The following SPMIP2 variants were observed in gnomAD, a reference collection of about 807,000 sequenced individuals.
The protein encoded by SPMIP2 is sperm microtubule inner protein 2.
At chr4:159,059,805 A>C in the SPMIP2 span, among the ~76,000 whole-genome samples, 3 of 152,236 alleles carry the variant, frequency 2.0e-5, no homozygotes, top group African/African-American at 4.8e-5. Flanking sequence ...ACTCCTAAAA[A>C]ATGAGGCAAA....
At chr4:158,962,496 G>T in the SPMIP2 span, among the ~76,000 whole-genome samples, 3 of 152,170 alleles carry the variant, frequency 2.0e-5, no homozygotes, top group Admixed American at 6.5e-5. Context: ...CCTCCTCCTT[G>T]GTAACATAGG....
chr4:159,026,274 C>CA, the SPMIP2 span: 1 of 559,856 alleles, frequency 1.8e-6, no homozygotes, highest in Non-Finnish European at 3.4e-6. Context: ...ACAAAAACCT[C>CA]ACCATAAAAA....
At chr4:158,973,009 G>A in the SPMIP2 span, 1 of 1,040,414 alleles carries the variant, frequency 9.6e-7, no homozygotes, top group Non-Finnish European at 1.4e-6. Flanking sequence ...ATTTCCTTTG[G>A]AAGCAAATTC....
chr4:158,983,510 T>C, the SPMIP2 span, among the ~76,000 whole-genome samples: 160 of 150,006 alleles, frequency 1.1e-3, 1 homozygote, highest in African/African-American at 2.8e-3. Context: ...CAATATTCAA[T>C]ATTCTTAAAG....
At chr4:159,011,476 C>T in the SPMIP2 span, among the ~76,000 whole-genome samples, 4 of 152,132 alleles carry the variant, frequency 2.6e-5, no homozygotes, top group Non-Finnish European at 4.4e-5. Context: ...TCTGGCTGGA[C>T]GCGGTGGCTC....
At chr4:158,932,485 C>T in the SPMIP2 span, among the ~76,000 whole-genome samples, 5 of 152,254 alleles carry the variant, frequency 3.3e-5, no homozygotes, top group African/African-American at 1.2e-4. Flanking sequence ...TACATACATA[C>T]ATACATACAG....
chr4:158,955,870 T>C, the SPMIP2 span, among the ~76,000 whole-genome samples: 1 of 152,324 alleles, frequency 6.6e-6, no homozygotes, highest in South Asian at 2.1e-4. Flanking sequence ...AGTCCGGTAA[T>C]TGTGCTCTAA....
the SPMIP2 span, among the ~76,000 whole-genome samples, chr4:158,896,910 T>C: frequency 6.6e-6 from 1 of 151,780 alleles, no homozygotes; most frequent in Non-Finnish European, 1.5e-5. Flanking sequence ...GTCTGTTACA[T>C]AGGTATACAC....
the SPMIP2 span, among the ~76,000 whole-genome samples, chr4:158,972,697 C>T: frequency 6.6e-6 from 1 of 152,210 alleles, no homozygotes; most frequent in African/African-American, 2.4e-5. Context: ...CTGAGATGCA[C>T]GTGTTAGGTT....
the SPMIP2 span, among the ~76,000 whole-genome samples, chr4:159,025,383 T>A: frequency 6.6e-6 from 1 of 152,190 alleles, no homozygotes; most frequent in Admixed American, 6.5e-5. Context: ...CAGGCTGGTC[T>A]CGAGCTACTG....
the SPMIP2 span, among the ~76,000 whole-genome samples, chr4:159,046,132 A>C: frequency 6.6e-6 from 1 of 151,948 alleles, no homozygotes; most frequent in African/African-American, 2.4e-5. Context: ...TGGGAGGCTG[A>C]GGCAGGATGA....
the SPMIP2 span, among the ~76,000 whole-genome samples, chr4:159,057,119 G>A: frequency 6.6e-6 from 1 of 152,108 alleles, no homozygotes; most frequent in African/African-American, 2.4e-5. Flanking sequence ...GACAATGGGA[G>A]CCACTGAAAC....
At chr4:158,918,940 TCTTA>T in the SPMIP2 span, among the ~76,000 whole-genome samples, 2 of 152,234 alleles carry the variant, frequency 1.3e-5, no homozygotes. Flanking sequence ...AATACAACAT[TCTTA>T]CTATTTAATT....
the SPMIP2 span, among the ~76,000 whole-genome samples, chr4:158,927,220 A>G: frequency 6.6e-6 from 1 of 152,090 alleles, no homozygotes; most frequent in Non-Finnish European, 1.5e-5. Context: ...TTCCAGCTGG[A>G]TCTGGAGACT....
chr4:159,045,578 G>A, the SPMIP2 span, among the ~76,000 whole-genome samples: 5 of 152,230 alleles, frequency 3.3e-5, no homozygotes, highest in Non-Finnish European at 1.5e-5. Flanking sequence ...GAATGTGGGG[G>A]TGGGAATAGC....
At chr4:158,998,666 T>A in the SPMIP2 span, among the ~76,000 whole-genome samples, 4 of 152,122 alleles carry the variant, frequency 2.6e-5, no homozygotes, top group South Asian at 8.3e-4. Flanking sequence ...GGGAAGACAC[T>A]AAATTATACA....
At chr4:158,963,060 T>C in the SPMIP2 span, among the ~76,000 whole-genome samples, 1 of 152,194 alleles carries the variant, frequency 6.6e-6, no homozygotes, top group African/African-American at 2.4e-5. Context: ...GTGGCCCTAG[T>C]ATCTCTGCTT....
chr4:159,075,241 G>T, the SPMIP2 span, among the ~76,000 whole-genome samples: 1 of 152,114 alleles, frequency 6.6e-6, no homozygotes, highest in South Asian at 2.1e-4. Flanking sequence ...CCTACAGACA[G>T]ATACACATGC....
chr4:158,987,183 G>A, the SPMIP2 span, among the ~76,000 whole-genome samples: 10 of 145,636 alleles, frequency 6.9e-5, no homozygotes, highest in African/African-American at 2.3e-4. Flanking sequence ...CACTGTTGGT[G>A]GGACTGTAAT....
Sources: gnomAD v4.1 joint callset for allele counts (sites outside exome capture counted in the v4.1 genomes callset) on GRCh38, gnomAD v4.1.1 for gene constraint, MANE v1.5 for transcripts, NCBI Gene and HGNC (gene_info 2026-07-23, HGNC 2026-07-21) for gene names.